Variants in NAV1 observed in about 807,000 individuals in gnomAD.
NAV1 encodes neuron navigator 1.
Under a neutral mutation model 175.2 loss-of-function variants are expected in NAV1, and 18 were observed. The ratio of observed to expected loss-of-function variants is 0.10; its 90% CI spans 0.07 to 0.15. The LOEUF (loss-of-function observed/expected upper bound fraction) is 0.15, where lower values mean the gene tolerates loss of function less well. Ranked by LOEUF, NAV1 falls within the 10% of genes least tolerant of loss-of-function variation. NAV1 has a pLI of 1.00. For synonymous variants in NAV1, 897 were observed against 978.7 expected (o/e 0.92, Z 1.56); for missense variants, 1,731 against 2,436.6 (o/e 0.71, Z 6.10).
intron 3 of NAV1, among the ~76,000 whole-genome samples, chr1:201,721,524 C>G (rs1349047980): frequency 1.3e-5 from 2 of 152,266 alleles, no homozygotes; most frequent in African/African-American, 4.8e-5. Context: ...TGCTCAGCCT[C>G]CTGTTGGTCT....
chr1:201,708,787 C>A (rs143412015), intron 1 of NAV1, among the ~76,000 whole-genome samples: 256 of 152,328 alleles, frequency 1.7e-3, no homozygotes, highest in African/African-American at 5.9e-3. Context: ...GCCTGTCCCA[C>A]ACCCAGAGCA....
At chr1:201,609,157 G>A (rs533969040) in intron 2 of NAV1, among the ~76,000 whole-genome samples, 1 of 152,232 alleles carries the variant, frequency 6.6e-6, no homozygotes, top group Non-Finnish European at 1.5e-5. Context: ...TGGGCCTGCT[G>A]CCAGACCCTA....
intron 2 of NAV1, among the ~76,000 whole-genome samples, chr1:201,601,206 G>T (rs930870044): frequency 1.3e-5 from 2 of 152,386 alleles, no homozygotes; most frequent in South Asian, 4.1e-4. Flanking sequence ...TCCTGGCTGG[G>T]TGTAGTGGCT....
intron 1 of NAV1, among the ~76,000 whole-genome samples, chr1:201,652,382 C>T (rs1303875170): frequency 1.3e-5 from 2 of 152,098 alleles, no homozygotes; most frequent in Non-Finnish European, 2.9e-5. Flanking sequence ...GCTCCCTGTC[C>T]CTTCGCTAAC....
At chr1:201,597,446 G>A (rs1667383982) in intron 2 of NAV1, among the ~76,000 whole-genome samples, 1 of 152,234 alleles carries the variant, frequency 6.6e-6, no homozygotes, top group South Asian at 2.1e-4. Flanking sequence ...GGGCTTCCTG[G>A]TCAAGGCTCA....
At chr1:201,642,523 T>TTCTTTCTTTCTTTCTTTCTTTC (rs1235070900) in intron 2 of NAV1, among the ~76,000 whole-genome samples, 1 of 96,574 alleles carries the variant, frequency 1.0e-5, no homozygotes, top group African/African-American at 6.8e-5. Flanking sequence ...CTTTCTTTCT[T>TTCTTTCTTTCTTTCTTTCTTTC]TTTTTCTTTC....
At chr1:201,760,514 G>C (rs1043436094) in intron 3 of NAV1, among the ~76,000 whole-genome samples, 1 of 152,058 alleles carries the variant, frequency 6.6e-6, no homozygotes, top group Non-Finnish European at 1.5e-5. Flanking sequence ...TTTGTGTGGT[G>C]ACCCTGCTTA....
chr1:201,596,806 G>GTTT (rs1667359566), intron 2 of NAV1, among the ~76,000 whole-genome samples: 1 of 150,334 alleles, frequency 6.7e-6, no homozygotes. Flanking sequence ...TTTTTAGTTT[G>GTTT]TTTGTTTTTT....
At chr1:201,722,639 A>G (rs774942859) in intron 3 of NAV1, among the ~76,000 whole-genome samples, 1 of 147,072 alleles carries the variant, frequency 6.8e-6, no homozygotes, top group Non-Finnish European at 1.5e-5. Context: ...GCTGTATCAT[A>G]TGGTAATTCT....
At chr1:201,602,139 A>G (rs938862223) in intron 2 of NAV1, among the ~76,000 whole-genome samples, 1 of 152,198 alleles carries the variant, frequency 6.6e-6, no homozygotes, top group African/African-American at 2.4e-5. Flanking sequence ...CACCAGCATC[A>G]GAGGACTTCT....
intron 1 of NAV1, among the ~76,000 whole-genome samples, chr1:201,543,788 C>A (rs1665586461): frequency 6.6e-6 from 1 of 152,140 alleles, no homozygotes; most frequent in Non-Finnish European, 1.5e-5. Context: ...TTTACCTTCC[C>A]AAACTTAAAC....
In NAV1 at chr1:201,612,591, T is replaced by A. The variant is rs78297973; in HGVS notation, c.-32-10262T>A. On this transcript the variant is annotated intron_variant, in intron 2 of 33. Coordinates refer to the NAV1 transcript ENST00000685211. Reference sequence around the variant, plus strand: ...CCCCATAGATGGTGACATCTGTGTGTCCTCACGTGGTGGAAGAAAGGGGCA... The same window carrying A: ...CCCCATAGATGGTGACATCTGTGTGACCTCACGTGGTGGAAGAAAGGGGCA... Among the ~76,000 whole-genome samples, 63 of 152,346 alleles carry A rather than the reference T, an allele frequency of 4.1e-4. No homozygotes were observed. In the East Asian group the frequency reaches 0.012, roughly 28 times the overall value.
chr1:201,677,267 A>AAAG (rs1553252705), intron 1 of NAV1, among the ~76,000 whole-genome samples: 5 of 151,284 alleles, frequency 3.3e-5, no homozygotes, highest in African/African-American at 2.4e-5. Flanking sequence ...AAAAAAAAAA[A>AAAG]AAGAATTGCT....
Position 201,598,128 on chromosome 1 carries a change from C to T in NAV1, c.-33+9479C>T, listed in dbSNP as rs79067933. On this transcript the variant is annotated intron_variant, in intron 2 of 33. Coordinates refer to the NAV1 transcript ENST00000685211. ...GTATACCTGGTGACTGAGCAGCCAACGCTATGTACACAGTGCTCTGGCAGC... is the reference window on the plus strand; with the variant it reads ...GTATACCTGGTGACTGAGCAGCCAATGCTATGTACACAGTGCTCTGGCAGC... Among the ~76,000 whole-genome samples the T allele has an allele frequency of 9.4e-3, 1,435 of 152,314 alleles. 65 individuals are homozygous for T. In the East Asian group the frequency reaches 0.12, roughly 13 times the overall value.
At chr1:201,571,825 T>A (rs1666552831) in intron 1 of NAV1, among the ~76,000 whole-genome samples, 1 of 152,246 alleles carries the variant, frequency 6.6e-6, no homozygotes, top group African/African-American at 2.4e-5. Context: ...AAGATCTAGC[T>A]GCAAGAATGT....
In NAV1 at chr1:201,810,863, T is replaced by C. The variant is rs1454105953; in HGVS notation, c.4797+105T>C. 2.6e-6 allele frequency: 2 copies of C among 774,074 alleles called. No homozygotes were observed. The highest frequency in any genetic ancestry group is 3.5e-5 in the African/African-American group (2 of 57,834). The allele number at this position is 774,074 out of a possible 1,614,324, so 48.0% of individuals were successfully genotyped here. ...CTCATTGTTCCCTTTTCCTCACCTC[T>C]GCCTTCATCTTTCTTCTCTTCTGTG... On this transcript the variant is annotated intron_variant, in intron 24 of 29. Coordinates refer to ENST00000367296, the Ensembl canonical transcript of NAV1. The surrounding 1 kb of genome is among the most constrained non-coding windows in gnomAD (Gnocchi z 6.0).
intron 1 of NAV1, among the ~76,000 whole-genome samples, chr1:201,586,068 T>C (rs1343821789): frequency 7.9e-5 from 12 of 152,188 alleles, no homozygotes; most frequent in Non-Finnish European, 1.8e-4. Context: ...AAGCAACCCA[T>C]GTATCTGTTG....
chr1:201,659,799 G>A (rs536179264), intron 1 of NAV1, among the ~76,000 whole-genome samples: 11 of 152,292 alleles, frequency 7.2e-5, no homozygotes, highest in African/African-American at 2.2e-4. Flanking sequence ...AGCCGGCTGC[G>A]CTGGGGTAGG....
chr1:201,595,007 A>T (rs1333127437), intron 2 of NAV1, among the ~76,000 whole-genome samples: 3 of 152,206 alleles, frequency 2.0e-5, no homozygotes, highest in African/African-American at 7.2e-5. Context: ...GAGGCCGTTG[A>T]GGGGAGGGAT....
Sources: allele counts gnomAD v4.1 joint callset (sites outside exome capture counted in the v4.1 genomes callset), GRCh38; gene constraint gnomAD v4.1.1; non-coding constraint Gnocchi (gnomAD v3.1); transcripts MANE v1.5; gene names NCBI Gene and HGNC (gene_info 2026-07-23, HGNC 2026-07-21).